Variants in PAMR1 observed in about 807,000 individuals in gnomAD.
PAMR1 encodes peptidase domain containing associated with muscle regeneration 1.
PAMR1 carries 88 observed loss-of-function variants against 81.8 expected under a neutral mutation model. That is an observed-to-expected ratio of 1.08 (90% confidence interval 0.91 to 1.28). The LOEUF is 1.28. Ranked by LOEUF, PAMR1 falls within the 50% of genes most tolerant of loss-of-function variation. PAMR1 has a pLI of 0.00. For synonymous variants in PAMR1, 336 were observed against 345.3 expected (o/e 0.97, Z 0.30); for missense variants, 935 against 919.7 (o/e 1.02, Z -0.21).
At chr11:35,434,226 A>G (rs896505289) in intron 10 of PAMR1, among the ~76,000 whole-genome samples, 7 of 152,088 alleles carry the variant, frequency 4.6e-5, no homozygotes, top group Non-Finnish European at 1.0e-4. Flanking sequence ...TGCTACTAGG[A>G]GAAGTACATT....
chr11:35,457,063 G>C (rs1240349606), intron 6 of PAMR1, among the ~76,000 whole-genome samples: 1 of 152,180 alleles, frequency 6.6e-6, no homozygotes, highest in Non-Finnish European at 1.5e-5. Flanking sequence ...CTACCTGACT[G>C]TGGTACTTAA....
intron 6 of PAMR1, among the ~76,000 whole-genome samples, chr11:35,458,563 T>A (rs1162243572): frequency 6.6e-6 from 1 of 152,184 alleles, no homozygotes; most frequent in Non-Finnish European, 1.5e-5. Flanking sequence ...GCTATAAGAT[T>A]ATCTGAGAGT....
Position 35,517,713 on chromosome 11 carries a change from G to A in PAMR1, c.73+7800C>T, listed in dbSNP as rs374367928. 3.9e-5 allele frequency among the ~76,000 whole-genome samples: 6 copies of A among 152,300 alleles called. No individual in the cohort carries two copies. The East Asian group carries it at 7.7e-4, about 20-fold the overall frequency. ...ATATCTCCCAGGATTAGCATTTCCT[G>A]AAACCCATTTTGGGAAATGCCAAGC... is the stretch of plus-strand genomic sequence containing the variant. On this transcript the variant is annotated intron_variant, in intron 1 of 10. Coordinates refer to ENST00000619888, the MANE Select transcript of PAMR1 (RefSeq NM_001001991.3).
At chr11:35,451,887 C>G (rs1430232635) in intron 6 of PAMR1, 1 of 705,978 alleles carries the variant, frequency 1.4e-6, no homozygotes, top group Non-Finnish European at 2.6e-6. Context: ...CAAGCCCTCA[C>G]CAGACAATGA....
intron 10 of PAMR1, among the ~76,000 whole-genome samples, 162 bp from the exon 11 acceptor site, chr11:35,433,054 C>G (rs1855948235): frequency 6.6e-6 from 1 of 152,222 alleles, no homozygotes. Context: ...AACTACTCTA[C>G]TTCCAGAATT....
intron 6 of PAMR1, among the ~76,000 whole-genome samples, chr11:35,445,430 G>A (rs539137373): frequency 6.6e-6 from 1 of 152,272 alleles, no homozygotes; most frequent in African/African-American, 2.4e-5. Context: ...GTTTTCGATG[G>A]GAATGCTTCC....
chr11:35,490,567 G>C (rs934550618), intron 3 of PAMR1, among the ~76,000 whole-genome samples: 1 of 152,218 alleles, frequency 6.6e-6, no homozygotes, highest in Non-Finnish European at 1.5e-5. Context: ...CAGGAGGATT[G>C]CTTGAGCACA....
intron 1 of PAMR1, among the ~76,000 whole-genome samples, chr11:35,505,024 T>C (rs1189671461): frequency 6.6e-6 from 1 of 152,242 alleles, no homozygotes; most frequent in East Asian, 1.9e-4. Flanking sequence ...ATTTTTGCTG[T>C]ACCCCATAGA....
At chr11:35,522,464 T>C (rs932833800) in intron 1 of PAMR1, among the ~76,000 whole-genome samples, 3 of 152,238 alleles carry the variant, frequency 2.0e-5, no homozygotes, top group African/African-American at 7.2e-5. Flanking sequence ...TGTCTTTTTG[T>C]GTCTGGCTTC....
chr11:35,496,474 A>G lies in PAMR1; in HGVS notation c.74-2202T>C, dbSNP rs993665978. Among the ~76,000 whole-genome samples the G allele has an allele frequency of 2.3e-4, 35 of 152,238 alleles. 1 individual carries two copies. Among genetic ancestry groups the G allele is most frequent in the Non-Finnish European group, 2.9e-5 (2 of 68,042 alleles). On this transcript the variant is annotated intron_variant, in intron 1 of 10. Coordinates refer to ENST00000619888, the MANE Select transcript of PAMR1 (RefSeq NM_001001991.3). ...AAATGACTTGAATAGACATTTCTCC[A>G]AAGAAGCTATATAAACGGCCAACAA... is the stretch of plus-strand genomic sequence containing the variant.
At position 35,507,797 on chromosome 11, in the gene PAMR1, C is replaced by CTT. The variant is rs71044525; in HGVS notation, c.74-13527_74-13526dup. ...TTCTTTGTAATTTACCTATTGAAATCTTTTTTTTTTTTTTCCTGCTGAGTT... is the reference window on the plus strand; with the variant it reads ...TTCTTTGTAATTTACCTATTGAAATCTTTTTTTTTTTTTTTTCCTGCTGAGTT... On this transcript the variant is annotated intron_variant, in intron 1 of 10. Transcript: ENST00000619888. Among the ~76,000 whole-genome samples, 287 of 141,840 alleles carry CTT rather than the reference C, an allele frequency of 2.0e-3. 2 individuals carry two copies. The highest frequency in any genetic ancestry group is 3.4e-3 in the Admixed American group (49 of 14,290). 93.1% of individuals were successfully genotyped at this position (141,840 alleles called of 152,430 possible).
intron 3 of PAMR1, 42 bp from the exon 4 acceptor site, chr11:35,474,786 A>C (rs1850256908): frequency 7.4e-7 from 1 of 1,360,188 alleles, no homozygotes; most frequent in South Asian, 1.2e-5. Flanking sequence ...AATGGAGGTC[A>C]ATAGGAAAGA....
chr11:35,474,159 T>TC (rs1261782357), intron 4 of PAMR1, among the ~76,000 whole-genome samples: 16 of 152,362 alleles, frequency 1.1e-4, no homozygotes, highest in African/African-American at 3.8e-4. Context: ...AAATGACTCA[T>TC]CTTCCACACA....
chr11:35,495,129 G>T (rs545027994), intron 1 of PAMR1, among the ~76,000 whole-genome samples: 1 of 152,322 alleles, frequency 6.6e-6, no homozygotes, highest in South Asian at 2.1e-4. Flanking sequence ...AAGGCCAATT[G>T]CCAAGTAGAG....
At chr11:35,485,832 CAGAA>C (rs1212065613) in intron 3 of PAMR1, among the ~76,000 whole-genome samples, 1 of 152,104 alleles carries the variant, frequency 6.6e-6, no homozygotes, top group African/African-American at 2.4e-5. Flanking sequence ...CAGAGACACT[CAGAA>C]GGAAGCGCCT....
At chr11:35,459,931 G>A (rs1446635814) in intron 6 of PAMR1, among the ~76,000 whole-genome samples, 1 of 152,198 alleles carries the variant, frequency 6.6e-6, no homozygotes, top group Non-Finnish European at 1.5e-5. Flanking sequence ...GTAAAGTGCA[G>A]GTAATCAAAG....
intron 3 of PAMR1, among the ~76,000 whole-genome samples, chr11:35,475,564 G>T (rs371843126): frequency 6.6e-6 from 1 of 152,300 alleles, no homozygotes; most frequent in African/African-American, 2.4e-5. Context: ...GATAAGCACA[G>T]GTATAGAAAA....
At chr11:35,526,079 A>C (rs1030099539), upstream of PAMR1, 1 of 160,458 alleles carries the variant, frequency 6.2e-6, no homozygotes, top group African/African-American at 2.4e-5. Flanking sequence ...CCTGAGGAGA[A>C]GGAGGAGTTG....
chr11:35,485,869 G>C (rs149512837), intron 3 of PAMR1, among the ~76,000 whole-genome samples: 59 of 152,320 alleles, frequency 3.9e-4, no homozygotes, highest in Middle Eastern at 3.4e-3. Context: ...TGTCTGAAAG[G>C]ATCGCTTGGG....
Sources: gnomAD v4.1 joint callset for allele counts (sites outside exome capture counted in the v4.1 genomes callset) on GRCh38, gnomAD v4.1.1 for gene constraint, MANE v1.5 for transcripts, NCBI Gene and HGNC (gene_info 2026-07-23, HGNC 2026-07-21) for gene names.